SLC12A7: variants seen among roughly 807,000 people sequenced by gnomAD.
SLC12A7 encodes the protein solute carrier family 12 member 7.
In SLC12A7, 100 loss-of-function variants were observed where a neutral mutation model predicts 120.6. That is an observed-to-expected ratio of 0.83 (90% CI 0.71 to 0.98). The LOEUF (loss-of-function observed/expected upper bound fraction) is 0.98, where lower values mean the gene tolerates loss of function less well. Ranked by LOEUF, SLC12A7 falls within the 50% of genes least tolerant of loss-of-function variation. SLC12A7 has a pLI of 0.00. For missense variants in SLC12A7, 1,373 were observed against 1,548.1 expected (o/e 0.89, Z 1.90); for synonymous variants, 760 against 678.0 (o/e 1.12, Z -1.88).
Position 1,082,704 on chromosome 5 carries a change from C to T in SLC12A7, c.1130-960G>A, listed in dbSNP as rs1022775388. ...AGGGTTCTGGAAAGTCCGGGCTTCC[C>T]ATCTCGGGTTCTGGAAAGCCTGGGC... On this transcript the variant is annotated intron_variant, in intron 8 of 23. Transcript: ENST00000264930. Among the ~76,000 whole-genome samples, 16 of 148,192 alleles carry T rather than the reference C, an allele frequency of 1.1e-4. No homozygotes were observed. In the East Asian group the frequency reaches 2.9e-3, roughly 27 times the overall value.
chr5:1,148,000 G>T, the SLC12A7 span, among the ~76,000 whole-genome samples: 1 of 151,992 alleles, frequency 6.6e-6, no homozygotes, highest in Non-Finnish European at 1.5e-5. Flanking sequence ...CTCCCAAAGA[G>T]CTGGGATTAT....
At position 1,052,555 on chromosome 5, in the gene SLC12A7, G is replaced by A; in HGVS notation, c.3161-104C>T. 4.0e-6 allele frequency: 4 copies of A among 1,004,466 alleles called. No homozygotes were observed. In the South Asian group the frequency reaches 4.3e-5, roughly 11 times the overall value. 62.2% of individuals were successfully genotyped at this position (1,004,466 alleles called of 1,614,324 possible). A position where few individuals can be genotyped will look rare whatever the true frequency, so the allele number is the denominator to read the frequency against. ...TCCTCTCCTGGTTAGCTAAGATTTG[G>A]TTTGAGAAACCCAGAGCCAAGGTGA... On this transcript the variant is annotated intron_variant, in intron 23 of 23. Coordinates refer to ENST00000264930, the MANE Select transcript of SLC12A7 (RefSeq NM_006598.3).
chr5:1,063,230 C>T (rs1296665785), intron 20 of SLC12A7, among the ~76,000 whole-genome samples: 1 of 152,218 alleles, frequency 6.6e-6, no homozygotes, highest in Non-Finnish European at 1.5e-5. Flanking sequence ...TCCCACGTGA[C>T]AGCTGCAGCC....
intron 5 of SLC12A7, among the ~76,000 whole-genome samples, chr5:1,087,550 C>T (rs1041739037): frequency 1.1e-4 from 17 of 152,230 alleles, no homozygotes; most frequent in African/African-American, 3.1e-4. Context: ...TCCTAATGGA[C>T]GCGGCCATCG....
At chr5:1,144,035 C>T in the SLC12A7 span, among the ~76,000 whole-genome samples, 1 of 152,210 alleles carries the variant, frequency 6.6e-6, no homozygotes, top group African/African-American at 2.4e-5. Flanking sequence ...TGTTCTAAGA[C>T]TGCAGCCCAG....
At chr5:1,111,553 G>T (rs1024708463) in intron 1 of SLC12A7, among the ~76,000 whole-genome samples, 66 of 152,260 alleles carry the variant, frequency 4.3e-4, no homozygotes, top group African/African-American at 1.4e-3. Flanking sequence ...ACCACCCAGG[G>T]GCCCGGGCTC....
At chr5:1,129,609 C>T in the SLC12A7 span, among the ~76,000 whole-genome samples, 5 of 151,908 alleles carry the variant, frequency 3.3e-5, no homozygotes, top group African/African-American at 4.8e-5. Flanking sequence ...GGCCAACCCC[C>T]GAGAGACACA....
At chr5:1,064,300 G>C in intron 18 of SLC12A7, 48 bp from the exon 19 acceptor site, 1 of 1,572,828 alleles carries the variant, frequency 6.4e-7, no homozygotes, top group Non-Finnish European at 8.6e-7. Context: ...CCAGGGTGCG[G>C]AAGGGGCCTC....
chr5:1,115,430 A>G (rs1743276693), upstream of SLC12A7, among the ~76,000 whole-genome samples: 1 of 152,218 alleles, frequency 6.6e-6, no homozygotes. Flanking sequence ...GGCTGCCTCC[A>G]GGTATCTGTG....
intron 20 of SLC12A7, among the ~76,000 whole-genome samples, chr5:1,061,034 GTGCGGGATCCCTGAGTCT>G (rs1736155767): frequency 1.4e-5 from 2 of 142,266 alleles, no homozygotes; most frequent in African/African-American, 5.4e-5. Flanking sequence ...CGCACCCGCC[GTGCGGGATCCCTGAGTCT>G]CACCCGCCGC....
At chr5:1,100,144 G>GAAATTTGC (rs1453569521) in intron 1 of SLC12A7, among the ~76,000 whole-genome samples, 1 of 152,176 alleles carries the variant, frequency 6.6e-6, no homozygotes, top group African/African-American at 2.4e-5. Flanking sequence ...CCCCTTAAAG[G>GAAATTTGC]AGACTCAGGC....
At chr5:1,146,849 A>G in the SLC12A7 span, among the ~76,000 whole-genome samples, 1 of 152,108 alleles carries the variant, frequency 6.6e-6, no homozygotes, top group East Asian at 1.9e-4. This position sits in a 1 kb window ranked among gnomAD's most constrained non-coding sequence, Gnocchi z 6.5. Context: ...TGGAAGCCCC[A>G]CTTGGAGCTG....
chr5:1,076,725 A>G lies in SLC12A7; in HGVS notation c.1717T>C (p.Ser573Pro), dbSNP rs1738388786. 6.2e-7 allele frequency: 1 copy of G among 1,611,354 alleles called. No individual in the cohort carries two copies. The highest frequency in any genetic ancestry group is 8.5e-7 in the Non-Finnish European group (1 of 1,179,866). The stretch of plus-strand genomic sequence containing the variant: ...AGGATCGGGGCCACGCTGTCCAGAG[A>G]GGCGATGAGGATGCCAGTCTCGCAG... Reference protein sequence around the residue: ...LICETGILIASLDSVAPILSM... With the variant: ...LICETGILIAPLDSVAPILSM... The change falls in exon 13 of 24, where the codon TCT (serine) becomes CCT (proline). Residue 573 changes from serine to proline, a missense_variant. Transcript: ENST00000264930.
intron 6 of SLC12A7, 88 bp from the exon 7 acceptor site, chr5:1,085,561 G>A: frequency 6.8e-7 from 1 of 1,474,500 alleles, no homozygotes; most frequent in Non-Finnish European, 9.0e-7. Context: ...GCCACACAGG[G>A]GCCTCCTCCC....
At chr5:1,078,398 G>A (rs1738608919) in intron 11 of SLC12A7, 2 of 557,784 alleles carry the variant, frequency 3.6e-6, no homozygotes, top group Non-Finnish European at 6.4e-6. Flanking sequence ...CTTGCCAGCA[G>A]GGCTGAGGGA....
intron 1 of SLC12A7, among the ~76,000 whole-genome samples, chr5:1,101,451 CCT>C (rs1742003651): frequency 1.3e-5 from 2 of 152,118 alleles, no homozygotes; most frequent in Non-Finnish European, 2.9e-5. Context: ...CTGGTGGGTC[CCT>C]GAGACCTTGG....
At chr5:1,105,734 C>T (rs1185398176) in intron 1 of SLC12A7, among the ~76,000 whole-genome samples, 2 of 152,238 alleles carry the variant, frequency 1.3e-5, no homozygotes, top group African/African-American at 2.4e-5. Context: ...ACTTCCCCAG[C>T]ATCTGAGAAG....
the SLC12A7 span, among the ~76,000 whole-genome samples, chr5:1,139,690 T>C: frequency 1.3e-5 from 2 of 152,230 alleles, no homozygotes; most frequent in Non-Finnish European, 2.9e-5. Flanking sequence ...GCGAGCTTGC[T>C]TGACCCTGGG....
intron 3 of SLC12A7, among the ~76,000 whole-genome samples, chr5:1,090,180 A>G (rs1176506471): frequency 1.3e-5 from 2 of 152,202 alleles, no homozygotes; most frequent in African/African-American, 4.8e-5. Context: ...CACGCTGAAC[A>G]CCACATCACA....
Sources: gnomAD v4.1 joint callset for allele counts (sites outside exome capture counted in the v4.1 genomes callset) on GRCh38, gnomAD v4.1.1 for gene constraint, Gnocchi (gnomAD v3.1) non-coding constraint, MANE v1.5 for transcripts, NCBI Gene and HGNC (gene_info 2026-07-23, HGNC 2026-07-21) for gene names.